FTO: variants seen among roughly 807,000 people sequenced by gnomAD.
FTO encodes the protein alpha-ketoglutarate-dependent dioxygenase FTO.
Under a neutral mutation model 63.9 loss-of-function variants are expected in FTO, and 47 were observed. The ratio of observed to expected loss-of-function variants is 0.74; its 90% CI spans 0.58 to 0.94. The LOEUF (loss-of-function observed/expected upper bound fraction) is 0.94. Ranked by LOEUF, FTO falls within the 40% of genes least tolerant of loss-of-function variation. The probability of loss-of-function intolerance (pLI) is 0.00; values close to 1 mark genes in which losing one functional copy is unlikely to be tolerated. For missense variants in FTO, 562 were observed against 618.1 expected, an observed-to-expected ratio of 0.91 and a Z score of 0.96; for synonymous variants, 207 against 224.4, an observed-to-expected ratio of 0.92 and a Z score of 0.69.
At chr16:54,088,727 A>G (rs537324863) in intron 8 of FTO, among the ~76,000 whole-genome samples, 2 of 152,354 alleles carry the variant, frequency 1.3e-5, no homozygotes, top group South Asian at 4.1e-4. Flanking sequence ...AAACATCATT[A>G]TGGCAAGTTT....
intron 7 of FTO, among the ~76,000 whole-genome samples, chr16:53,929,655 A>G (rs1202062002): frequency 6.6e-6 from 1 of 152,166 alleles, no homozygotes; most frequent in Non-Finnish European, 1.5e-5. Flanking sequence ...CATTCCTCCT[A>G]GTAGTGTCTC....
At chr16:54,092,429 G>T (rs888157909) in intron 8 of FTO, among the ~76,000 whole-genome samples, 2 of 152,100 alleles carry the variant, frequency 1.3e-5, no homozygotes, top group Non-Finnish European at 2.9e-5. Flanking sequence ...AACTGAGGGG[G>T]GTAGGAGAGA....
At chr16:54,066,391 C>T (rs540957464) in intron 8 of FTO, among the ~76,000 whole-genome samples, 9 of 152,294 alleles carry the variant, frequency 5.9e-5, no homozygotes, top group East Asian at 3.9e-4. Context: ...TTTCATTACA[C>T]GAGGACTAAC....
intron 1 of FTO, among the ~76,000 whole-genome samples, chr16:53,729,554 G>A (rs1028656517): frequency 4.6e-5 from 7 of 151,730 alleles, no homozygotes; most frequent in African/African-American, 7.3e-5. Context: ...TCACAATTTC[G>A]TGGAGATTTG....
At chr16:53,867,888 G>A (rs1396607226) in intron 4 of FTO, among the ~76,000 whole-genome samples, 2 of 152,024 alleles carry the variant, frequency 1.3e-5, no homozygotes, top group African/African-American at 4.8e-5. Context: ...ACTATTAGGT[G>A]CATACTGTTA....
At chr16:53,798,374 A>G (rs1247487535) in intron 1 of FTO, among the ~76,000 whole-genome samples, 1 of 152,132 alleles carries the variant, frequency 6.6e-6, no homozygotes, top group Non-Finnish European at 1.5e-5. Flanking sequence ...GATTGCATCA[A>G]TTTGGGGACA....
At position 54,118,335 on chromosome 16, in the gene FTO, G is replaced by A. The variant is rs2086985620; in HGVS notation, c.*6420G>A. 6.6e-6 allele frequency: 1 copy of A among 151,534 alleles called. No homozygotes were observed. The highest frequency in any genetic ancestry group is 2.1e-4 in the South Asian group (1 of 4,776). 9.4% of individuals were successfully genotyped at this position (151,534 alleles called of 1,614,324 possible). A position where few individuals can be genotyped will look rare whatever the true frequency, so the allele number is the denominator to read the frequency against. On this transcript the variant is annotated 3_prime_UTR_variant, in exon 9 of 9. Coordinates refer to ENST00000471389, the MANE Select transcript of FTO (RefSeq NM_001080432.3). ...CCCTCTTCATTAGTGATAATGGCAT[G>A]AAGCTCTTTCACACAGTCTTTTTTT... is the stretch of plus-strand genomic sequence containing the variant.
chr16:54,121,104 TG>T lies in FTO; in HGVS notation c.*9191del, dbSNP rs1416915150. 6.6e-6 allele frequency: 1 copy of T among 152,362 alleles called. No homozygotes were observed. Among genetic ancestry groups the T allele is most frequent in the African/African-American group, 2.4e-5 (1 of 41,464 alleles). The allele number at this position is 152,362 out of a possible 1,614,324, so 9.4% of individuals were successfully genotyped here. ...TGCTCATCGGTTTATGTATTATCTATGGCTGTTTCCAACTACAGTGGCAGAG... is the reference window on the plus strand; with the variant it reads ...TGCTCATCGGTTTATGTATTATCTATGCTGTTTCCAACTACAGTGGCAGAG... On this transcript the variant is annotated 3_prime_UTR_variant, in exon 9 of 9. Transcript: ENST00000471389.
intron 8 of FTO, among the ~76,000 whole-genome samples, chr16:53,983,039 GC>G (rs2083582458): frequency 2.0e-5 from 3 of 152,040 alleles, no homozygotes; most frequent in African/African-American, 4.8e-5. Context: ...CCTACCCCGA[GC>G]CTCACATGGT....
chr16:54,083,857 T>TG (rs2086203980), intron 8 of FTO, among the ~76,000 whole-genome samples: 1 of 152,190 alleles, frequency 6.6e-6, no homozygotes, highest in East Asian at 1.9e-4. Flanking sequence ...AAGGCAACAT[T>TG]GGGTGGTACC....
intron 8 of FTO, among the ~76,000 whole-genome samples, chr16:54,014,282 T>C (rs2084387347): frequency 6.6e-6 from 1 of 152,226 alleles, no homozygotes; most frequent in African/African-American, 2.4e-5. Flanking sequence ...GTGTGGGTTA[T>C]GGAGGCAGAT....
intron 8 of FTO, chr16:53,979,637 C>T: frequency 2.6e-6 from 1 of 388,208 alleles, no homozygotes; most frequent in Non-Finnish European, 4.5e-6. Context: ...TAACTGTTAA[C>T]AGCTGCAGTG....
At chr16:54,007,420 G>T (rs926557631) in intron 8 of FTO, among the ~76,000 whole-genome samples, 2 of 152,192 alleles carry the variant, frequency 1.3e-5, no homozygotes, top group East Asian at 3.8e-4. Flanking sequence ...CCACTTACTA[G>T]ATCTGAGACC....
intron 2 of FTO, among the ~76,000 whole-genome samples, chr16:53,812,959 T>C (rs562209462): frequency 1.3e-5 from 2 of 152,360 alleles, no homozygotes; most frequent in African/African-American, 4.8e-5. Flanking sequence ...AGCCTTCTGG[T>C]GCATGATTAC....
chr16:53,767,734 C>A (rs1208394593), intron 1 of FTO, among the ~76,000 whole-genome samples: 1 of 152,008 alleles, frequency 6.6e-6, no homozygotes, highest in East Asian at 1.9e-4. Context: ...GGTTTTATAT[C>A]ATTTATAGAT....
intron 7 of FTO, among the ~76,000 whole-genome samples, chr16:53,930,522 C>CGATA (rs2082256889): frequency 3.3e-5 from 5 of 151,898 alleles, no homozygotes; most frequent in Non-Finnish European, 2.9e-5. Context: ...CGCGCCAGGC[C>CGATA]AATTATCTTC....
At chr16:54,057,166 A>C (rs940214) in intron 8 of FTO, among the ~76,000 whole-genome samples, 39,632 of 152,180 alleles carry the variant, frequency 0.26, 8,158 homozygotes, top group African/African-American at 0.57. Context: ...AACCCTCCCC[A>C]GACACACATA....
intron 7 of FTO, among the ~76,000 whole-genome samples, chr16:53,927,436 G>C (rs1410611144): frequency 6.6e-6 from 1 of 152,312 alleles, no homozygotes; most frequent in East Asian, 1.9e-4. Context: ...TTATGTTTGA[G>C]GCAGTGTGTT....
At chr16:53,764,710 G>T (rs8047587) in intron 1 of FTO, among the ~76,000 whole-genome samples, 65,042 of 151,252 alleles carry the variant, frequency 0.43, 14,157 homozygotes, top group Non-Finnish European at 0.45. Flanking sequence ...AATAAAAATT[G>T]GTCTGTTCTT....
Sources: gnomAD v4.1 joint callset for allele counts (sites outside exome capture counted in the v4.1 genomes callset) on GRCh38, gnomAD v4.1.1 for gene constraint, MANE v1.5 for transcripts, NCBI Gene and HGNC (gene_info 2026-07-23, HGNC 2026-07-21) for gene names.